CTNNA2: variants seen among roughly 807,000 people sequenced by gnomAD.
CTNNA2 encodes the protein catenin alpha 2, also known as catenin alpha-2.
In CTNNA2, 42 loss-of-function variants were observed where a neutral mutation model predicts 101.0. The ratio of observed to expected loss-of-function variants is 0.42; its 90% CI spans 0.32 to 0.54. The LOEUF (loss-of-function observed/expected upper bound fraction) is 0.54, where lower values mean the gene tolerates loss of function less well. Ranked by LOEUF, CTNNA2 falls within the 20% of genes least tolerant of loss-of-function variation. The probability of loss-of-function intolerance (pLI) is 0.14; values close to 1 mark genes in which losing one functional copy is unlikely to be tolerated. For synonymous variants in CTNNA2, 450 were observed against 456.4 expected (o/e 0.99, Z 0.18); for missense variants, 871 against 1,223.1 (o/e 0.71, Z 4.29).
At chr2:80,305,146 A>C (rs1676795818) in intron 7 of CTNNA2, 1 of 985,262 alleles carries the variant, frequency 1.0e-6, no homozygotes, top group Non-Finnish European at 1.2e-6. Context: ...AAGACACAGG[A>C]AGGCAATGAT....
chr2:79,214,783 C>T (rs188323274), intron 2 of CTNNA2, among the ~76,000 whole-genome samples: 18 of 152,066 alleles, frequency 1.2e-4, no homozygotes, highest in African/African-American at 3.4e-4. Context: ...TAAAATATCT[C>T]GGCCTAATAA....
In CTNNA2 at chr2:80,555,705, TG is replaced by T; in HGVS notation, c.1555del (p.Glu519ArgfsTer3). The T allele has an allele frequency of 6.5e-7, 1 of 1,532,984 alleles. No individual in the cohort carries two copies. The highest frequency in any genetic ancestry group is 8.8e-7 in the Non-Finnish European group (1 of 1,137,520). 95.0% of individuals were successfully genotyped at this position (1,532,984 alleles called of 1,614,324 possible). On this transcript the variant is annotated frameshift_variant, in exon 12 of 19. Transcript: ENST00000402739. LOFTEE classifies it high-confidence loss of function. Reference sequence around the variant, plus strand: ...GTCCTCTCCATAGAAAATCACATCTTGGAGGATGTGAACAAGTGTGTGATAG... The same window carrying T: ...GTCCTCTCCATAGAAAATCACATCTTGAGGATGTGAACAAGTGTGTGATAG... ...DFLSVSENHILEDVNKCVIAL... is the reference protein window; with the variant it reads ...DFLSVSENHIXEDVNKCVIAL...
At chr2:80,089,438 C>T (rs759436579) in intron 7 of CTNNA2, among the ~76,000 whole-genome samples, 2 of 151,942 alleles carry the variant, frequency 1.3e-5, no homozygotes, top group Non-Finnish European at 2.9e-5. Context: ...ACCTGCGCTC[C>T]CTTTTGCATT....
At chr2:79,694,898 G>A (rs1684551715) in intron 2 of CTNNA2, among the ~76,000 whole-genome samples, 1 of 151,790 alleles carries the variant, frequency 6.6e-6, no homozygotes, top group South Asian at 2.1e-4. Flanking sequence ...GAATTCTTCG[G>A]TGATTCATGG....
intron 7 of CTNNA2, among the ~76,000 whole-genome samples, chr2:80,261,706 G>C (rs945647901): frequency 6.6e-5 from 10 of 152,234 alleles, no homozygotes; most frequent in Admixed American, 3.9e-4. Flanking sequence ...CTTTTCCTAA[G>C]GGCAAATAAA....
At chr2:79,760,462 T>A (rs552838857) in intron 3 of CTNNA2, among the ~76,000 whole-genome samples, 1 of 152,244 alleles carries the variant, frequency 6.6e-6, no homozygotes, top group Admixed American at 6.5e-5. Flanking sequence ...GAAACTCAAG[T>A]AGGAGTTATG....
At chr2:79,421,917 G>A (rs972587413) in intron 4 of CTNNA2, among the ~76,000 whole-genome samples, 19 of 152,144 alleles carry the variant, frequency 1.2e-4, no homozygotes, top group African/African-American at 4.3e-4. Context: ...GAGCCCATAA[G>A]ATTTTGGTCT....
At chr2:79,227,820 C>T (rs1159498738) in intron 2 of CTNNA2, among the ~76,000 whole-genome samples, 1 of 152,094 alleles carries the variant, frequency 6.6e-6, no homozygotes, top group Non-Finnish European at 1.5e-5. Context: ...GGGTAAATTA[C>T]ATGATACTGA....
intron 13 of CTNNA2, among the ~76,000 whole-genome samples, chr2:80,578,014 T>C (rs1695207945): frequency 6.6e-6 from 1 of 152,208 alleles, no homozygotes; most frequent in Admixed American, 6.5e-5. Context: ...CTTTCTCACT[T>C]TGTTTCTCTA....
intron 6 of CTNNA2, among the ~76,000 whole-genome samples, chr2:79,889,900 G>T (rs1380372234): frequency 6.6e-6 from 1 of 152,282 alleles, no homozygotes; most frequent in East Asian, 1.9e-4. Flanking sequence ...TCCAAAGAAG[G>T]TCTGGCCAAA....
rs1573121625 is a variant in CTNNA2, at chr2:79,362,933, T to G, written c.-317-10898T>G. On this transcript the variant is annotated intron_variant, in intron 3 of 21. Coordinates refer to the CTNNA2 transcript ENST00000466387. ...GCATTAGTTAGCCTATCCTAACAGA[T>G]AGGAGACAAAGGCAATGTGATGAAA... Among the ~76,000 whole-genome samples the G allele has an allele frequency of 3.3e-5, 5 of 152,292 alleles. 2 individuals are homozygous for G. Among genetic ancestry groups the G allele is most frequent in the Admixed American group, 3.3e-4 (5 of 15,294 alleles).
intron 2 of CTNNA2, among the ~76,000 whole-genome samples, chr2:79,209,752 T>C (rs1358728521): frequency 1.3e-5 from 2 of 152,126 alleles, no homozygotes; most frequent in Admixed American, 1.3e-4. Context: ...TCCTTAAGGG[T>C]CCTTGAAGAT....
At chr2:79,232,850 A>T (rs1674512981) in intron 2 of CTNNA2, among the ~76,000 whole-genome samples, 2 of 152,074 alleles carry the variant, frequency 1.3e-5, no homozygotes, top group Admixed American at 1.3e-4. Context: ...ATAATCCCCG[A>T]GGATATTTCG....
At chr2:79,340,740 A>G (rs371317739) in intron 3 of CTNNA2, among the ~76,000 whole-genome samples, 1 of 147,146 alleles carries the variant, frequency 6.8e-6, no homozygotes, top group Non-Finnish European at 1.5e-5. Context: ...AGGCTGAGGC[A>G]GGAGAATGGC....
intron 1 of CTNNA2, among the ~76,000 whole-genome samples, chr2:79,626,140 T>A (rs1679287090): frequency 6.6e-6 from 1 of 152,178 alleles, no homozygotes; most frequent in African/African-American, 2.4e-5. Flanking sequence ...TAACCAGAAG[T>A]TGAATCCTAG....
intron 4 of CTNNA2, among the ~76,000 whole-genome samples, chr2:79,863,134 T>TCAAA (rs1289464937): frequency 7.1e-6 from 1 of 140,790 alleles, no homozygotes; most frequent in Non-Finnish European, 1.5e-5. Flanking sequence ...TCCTGGTAGC[T>TCAAA]CAAACAAACA....
intron 4 of CTNNA2, among the ~76,000 whole-genome samples, chr2:79,483,037 C>T (rs1671124653): frequency 6.6e-6 from 1 of 152,202 alleles, no homozygotes; most frequent in Admixed American, 6.5e-5. Flanking sequence ...AACAAATAAT[C>T]ACCAAATCTT....
intron 1 of CTNNA2, among the ~76,000 whole-genome samples, chr2:79,645,700 A>G (rs1359794787): frequency 6.6e-6 from 1 of 152,212 alleles, no homozygotes; most frequent in Non-Finnish European, 1.5e-5. Context: ...ACAACATTGC[A>G]AAGAAGAAAA....
chr2:79,599,375 T>C (rs935336908), intron 1 of CTNNA2, among the ~76,000 whole-genome samples: 59 of 152,206 alleles, frequency 3.9e-4, no homozygotes, highest in African/African-American at 1.4e-3. Flanking sequence ...AATAAATATT[T>C]AGTCTGCTTC....
Sources: allele counts gnomAD v4.1 joint callset (sites outside exome capture counted in the v4.1 genomes callset), GRCh38; gene constraint gnomAD v4.1.1; transcripts MANE v1.5; gene names NCBI Gene and HGNC (gene_info 2026-07-23, HGNC 2026-07-21).